LBR: variants seen among roughly 807,000 people sequenced by gnomAD.
The protein encoded by LBR is lamin B receptor, also known as delta(14)-sterol reductase LBR.
In LBR, 28 loss-of-function variants were observed where a neutral mutation model predicts 74.3. The ratio of observed to expected loss-of-function variants is 0.38; its 90% CI spans 0.28 to 0.52. LBR has a LOEUF of 0.52. Ranked by LOEUF, LBR falls within the 20% of genes least tolerant of loss-of-function variation. The pLI is 0.89. For synonymous variants in LBR, 228 were observed against 269.3 expected (o/e 0.85, Z 1.50); for missense variants, 717 against 760.3 (o/e 0.94, Z 0.67).
At chr1:225,411,624 T>C (rs1282494774) in intron 8 of LBR, among the ~76,000 whole-genome samples, 184 bp from the exon 9 acceptor site, 1 of 152,210 alleles carries the variant, frequency 6.6e-6, no homozygotes, top group African/African-American at 2.4e-5. Context: ...CCTGCCCGAC[T>C]GAAAAGGCAG....
intron 10 of LBR, among the ~76,000 whole-genome samples, chr1:225,407,674 G>A (rs932198251): frequency 6.6e-6 from 1 of 152,168 alleles, no homozygotes; most frequent in African/African-American, 2.4e-5. Context: ...CCTCAGTACA[G>A]ACCACTGATG....
chr1:225,424,455 G>T (rs890173243), intron 1 of LBR, among the ~76,000 whole-genome samples: 1 of 152,178 alleles, frequency 6.6e-6, no homozygotes, highest in African/African-American at 2.4e-5. Context: ...CTTTAAAAAT[G>T]CATTTAATTG....
At chr1:225,404,021 G>A (rs1386317698) in intron 13 of LBR, among the ~76,000 whole-genome samples, 1 of 150,808 alleles carries the variant, frequency 6.6e-6, no homozygotes, top group Admixed American at 6.7e-5. Flanking sequence ...TGCTTTCCCA[G>A]CTCCCCACGA....
intron 7 of LBR, among the ~76,000 whole-genome samples, chr1:225,414,853 G>A (rs2096114048): frequency 6.6e-6 from 1 of 152,246 alleles, no homozygotes; most frequent in Non-Finnish European, 1.5e-5. Flanking sequence ...AGATGCAGGT[G>A]TCAGACGTTT....
intron 3 of LBR, among the ~76,000 whole-genome samples, chr1:225,420,367 AT>A (rs1400225031): frequency 3.3e-5 from 5 of 152,116 alleles, no homozygotes; most frequent in Non-Finnish European, 5.9e-5. Context: ...TCATAATTTC[AT>A]TGATAGATTT....
At chr1:225,412,027 C>T (rs1401617939) in intron 8 of LBR, among the ~76,000 whole-genome samples, 3 of 152,208 alleles carry the variant, frequency 2.0e-5, no homozygotes, top group Non-Finnish European at 4.4e-5. Flanking sequence ...CCAGGCTGGT[C>T]TCAAACTCCT....
chr1:225,418,223 G>A, intron 5 of LBR, 43 bp from the exon 6 acceptor site: 1 of 1,561,410 alleles, frequency 6.4e-7, no homozygotes, highest in Middle Eastern at 1.8e-4. Flanking sequence ...ATTTCAATCT[G>A]GTTTATTTAT....
chr1:225,413,854 C>A, intron 7 of LBR: 1 of 416,390 alleles, frequency 2.4e-6, no homozygotes, highest in Non-Finnish European at 4.9e-6. Context: ...AGCCACTCCC[C>A]CACTGGCTCC....
Position 225,418,042 on chromosome 1 carries a change from C to T in LBR, c.779G>A (p.Gly260Glu). 1 of 1,614,118 alleles carries T rather than the reference C, an allele frequency of 6.2e-7. No individual in the cohort carries two copies. Among genetic ancestry groups the T allele is most frequent in the Non-Finnish European group, 8.5e-7 (1 of 1,180,018 alleles). Residue 260 changes from glycine to glutamate, a missense_variant, in exon 6 of 14, where the codon GGG becomes GAG. Transcript: ENST00000272163. Reference protein sequence around the residue: ...LYELWETRVFGVYLLWFLIQV... With the variant: ...LYELWETRVFEVYLLWFLIQV... ...AATCAAAAACCACAGGAGGTAGACC[C>T]CAAATACTCTGGTTTCCCATAACTC...
chr1:225,416,387 A>G (rs1381370363), intron 6 of LBR, among the ~76,000 whole-genome samples: 1 of 152,206 alleles, frequency 6.6e-6, no homozygotes, highest in Non-Finnish European at 1.5e-5. Context: ...ACCCCACAAA[A>G]TAACTATTCA....
chr1:225,403,099 T>C lies in LBR; in HGVS notation c.*204A>G. On this transcript the variant is annotated 3_prime_UTR_variant, in exon 14 of 14. Coordinates refer to ENST00000272163, the MANE Select transcript of LBR (RefSeq NM_002296.4). Reference sequence around the variant, plus strand: ...AAATTCTCACATCCTTACTTGTATTTTTCCTATGTTAACTGTAAGTTAATA... The same window carrying C: ...AAATTCTCACATCCTTACTTGTATTCTTCCTATGTTAACTGTAAGTTAATA... 1.8e-6 allele frequency: 1 copy of C among 569,106 alleles called. No individual in the cohort carries two copies. The highest frequency in any genetic ancestry group is 2.9e-5 in the East Asian group (1 of 33,996). The allele number at this position is 569,106 out of a possible 1,614,324, so 35.3% of individuals were successfully genotyped here.
chr1:225,419,776 C>T lies in LBR; in HGVS notation c.389G>A (p.Ser130Asn). ...ATGCTCAGGCTCCCCATTATATCTG[C>T]TGATGCTATTTCCAAATGGCTTCTA... ...LILKPFGNSI[S>N]RYNGEPEHIE... The change falls in exon 4 of 14, where the codon AGC (serine) becomes AAC (asparagine). Residue 130 changes from serine (S) to asparagine (N), a missense_variant. Physicochemically the swap from Ser to Asn is conservative, Grantham distance 46. Coordinates refer to ENST00000272163, the MANE Select transcript of LBR (RefSeq NM_002296.4). 1 of 1,611,156 alleles carries T rather than the reference C, an allele frequency of 6.2e-7. No homozygotes were observed. Among genetic ancestry groups the T allele is most frequent in the Non-Finnish European group, 8.5e-7 (1 of 1,177,748 alleles).
chr1:225,413,773 A>C, intron 7 of LBR: 2 of 341,366 alleles, frequency 5.9e-6, no homozygotes, highest in Non-Finnish European at 1.2e-5. Context: ...AAAATCTCGA[A>C]AAGAAATCTC....
At chr1:225,417,779 G>T in intron 6 of LBR, 1 of 567,872 alleles carries the variant, frequency 1.8e-6, no homozygotes, top group Non-Finnish European at 3.1e-6. Flanking sequence ...ATGGCTTCAT[G>T]AACTAAGTTT....
At position 225,403,307 on chromosome 1, in the gene LBR, T is replaced by C; in HGVS notation, c.1844A>G (p.Tyr615Cys). The change falls in exon 14 of 14, where the codon TAC (tyrosine) becomes TGC (cysteine). Residue 615 changes from tyrosine to cysteine, a missense_variant. Physicochemically the swap from Tyr to Cys is radical, Grantham distance 194. Transcript: ENST00000272163. ...TGTAGAAAAGCCAGAAGAGCATTAG[T>C]AGATGTATGGAAATATACGGTAGGG... is the stretch of plus-strand genomic sequence containing the variant. ...RVPYRIFPYI[Y>C] The C allele has an allele frequency of 6.2e-7, 1 of 1,613,646 alleles. No individual in the cohort carries two copies. Among genetic ancestry groups the C allele is most frequent in the Non-Finnish European group, 8.5e-7 (1 of 1,179,842 alleles).
intron 3 of LBR, among the ~76,000 whole-genome samples, chr1:225,420,323 A>AC (rs397759601): frequency 4.0e-5 from 6 of 151,454 alleles, no homozygotes; most frequent in African/African-American, 1.5e-4. Flanking sequence ...AAAAAAAAAA[A>AC]CAACTTTGAT....
Position 225,404,500 on chromosome 1 carries a change from C to T in LBR, c.1591G>A (p.Gly531Arg). ...AHLKTIHTST[G>R]KNLLVSGWWG... ...CATCCAGAAACTAGAAGATTTTTTC[C>T]CGTTGAAGTATGAATGGTTTTTAAA... Residue 531 changes from glycine (G) to arginine (R), a missense_variant, in exon 13 of 14, where the codon GGA becomes AGA. Coordinates refer to ENST00000272163, the MANE Select transcript of LBR (RefSeq NM_002296.4). The T allele has an allele frequency of 6.2e-7, 1 of 1,612,908 alleles. No individual in the cohort carries two copies. Among genetic ancestry groups the T allele is most frequent in the Non-Finnish European group, 8.5e-7 (1 of 1,179,124 alleles).
In LBR at chr1:225,406,933, G is replaced by A. The variant is rs890441309; in HGVS notation, c.1315-101C>T. 37 of 1,129,510 alleles carry A rather than the reference G, an allele frequency of 3.3e-5. No individual in the cohort carries two copies. The East Asian group carries it at 3.7e-4, about 11-fold the overall frequency. 70.0% of individuals were successfully genotyped at this position (1,129,510 alleles called of 1,614,324 possible). A position where few individuals can be genotyped will look rare whatever the true frequency, so the allele number is the denominator to read the frequency against. On this transcript the variant is annotated intron_variant, in intron 10 of 13. Transcript: ENST00000272163. Reference sequence around the variant, plus strand: ...GCAAATGTAAAAAGTGCTATGGGCGGGTCCACAATCAACATTTTTTTGTTA... The same window carrying A: ...GCAAATGTAAAAAGTGCTATGGGCGAGTCCACAATCAACATTTTTTTGTTA...
chr1:225,411,582 A>C (rs898471254), intron 8 of LBR, 142 bp from the exon 9 acceptor site: 2 of 716,836 alleles, frequency 2.8e-6, no homozygotes, highest in Non-Finnish European at 5.2e-6. Flanking sequence ...AGAGGCAGAC[A>C]GGACGGCACA....
Sources: gnomAD v4.1 joint callset for allele counts (sites outside exome capture counted in the v4.1 genomes callset) on GRCh38, gnomAD v4.1.1 for gene constraint, MANE v1.5 for transcripts, NCBI Gene and HGNC (gene_info 2026-07-23, HGNC 2026-07-21) for gene names.